XRCC6: variants seen among roughly 807,000 people sequenced by gnomAD.
The protein encoded by XRCC6 is DNA repair protein Ku70.
In XRCC6, 5 loss-of-function variants were observed where a neutral mutation model predicts 65.7. The observed-to-expected ratio is 0.08, with a 90% CI of 0.04 to 0.16. The LOEUF (loss-of-function observed/expected upper bound fraction) is 0.16. Among genes scored for constraint, XRCC6 ranks in the 10% least tolerant of loss-of-function variants. XRCC6 has a pLI of 1.00. For synonymous variants in XRCC6, 270 were observed against 270.6 expected, an observed-to-expected ratio of 1.00 and a Z score of 0.02; for missense variants, 447 against 738.1, an observed-to-expected ratio of 0.61 and a Z score of 4.57.
At chr22:41,660,194 T>A (rs1360256187) in intron 11 of XRCC6, among the ~76,000 whole-genome samples, 1 of 152,236 alleles carries the variant, frequency 6.6e-6, no homozygotes, top group African/African-American at 2.4e-5. Context: ...ACCCTTGCCC[T>A]TGATGTGACA....
chr22:41,637,847 G>T (rs1269001032), intron 6 of XRCC6, 56 bp downstream of exon 6: 3 of 1,548,470 alleles, frequency 1.9e-6, no homozygotes, highest in Non-Finnish European at 2.6e-6. Context: ...GAAGCAGGCT[G>T]GGCGCGGTGG....
intron 1 of XRCC6, 140 bp from the exon 2 acceptor site, chr22:41,621,850 G>T: frequency 2.7e-6 from 2 of 736,692 alleles, no homozygotes; most frequent in East Asian, 2.7e-5. Context: ...TCCGACTGCC[G>T]AGCTTTCGAG....
chr22:41,635,630 T>G (rs1260400515), intron 3 of XRCC6, among the ~76,000 whole-genome samples: 1 of 152,072 alleles, frequency 6.6e-6, no homozygotes, highest in African/African-American at 2.4e-5. Context: ...AGCCTTCACC[T>G]CCTGGGGTCA....
Position 41,646,796 on chromosome 22 carries a change from T to C in XRCC6, c.774-100T>C, listed in dbSNP as rs1748282537. ...TATTTTGAGAGCTTGCTTAGGATTA[T>C]TGGAGAGAATAAAACAGTGAAGCTT... On this transcript the variant is annotated intron_variant, in intron 6 of 12. Transcript: ENST00000360079. 35 of 1,012,110 alleles carry C rather than the reference T, an allele frequency of 3.5e-5. 1 individual carries two copies. The South Asian group carries it at 6.1e-4, about 17-fold the overall frequency. 62.7% of individuals were successfully genotyped at this position (1,012,110 alleles called of 1,614,324 possible).
intron 6 of XRCC6, among the ~76,000 whole-genome samples, chr22:41,640,661 A>G (rs2067865967): frequency 6.6e-6 from 1 of 152,224 alleles, no homozygotes; most frequent in African/African-American, 2.4e-5. Flanking sequence ...GAGACCTTGA[A>G]TCACTCATTG....
chr22:41,645,334 CAAAA>C (rs2067920591), intron 6 of XRCC6, among the ~76,000 whole-genome samples: 1 of 150,360 alleles, frequency 6.7e-6, no homozygotes, highest in Admixed American at 6.6e-5. Flanking sequence ...AAAAAACAAA[CAAAA>C]AAGGCTGACC....
intron 2 of XRCC6, among the ~76,000 whole-genome samples, chr22:41,624,365 G>A (rs1011835841): frequency 6.6e-6 from 1 of 151,716 alleles, no homozygotes; most frequent in Non-Finnish European, 1.5e-5. Flanking sequence ...TCCAGTCTGG[G>A]CAACAGAGTG....
rs1258170315 is a variant in XRCC6 at position 41,650,687 on chromosome 22, C to T, written c.961-36C>T. On this transcript the variant is annotated intron_variant, in intron 7 of 12. Coordinates refer to ENST00000360079, the MANE Select transcript of XRCC6 (RefSeq NM_001469.5). Reference sequence around the variant, plus strand: ...CGAGTTATTTTGCATCTCCTCGTAGCCTTCCCATTTGATCCTTGTCGTTCT... The same window carrying T: ...CGAGTTATTTTGCATCTCCTCGTAGTCTTCCCATTTGATCCTTGTCGTTCT... 6 of 1,601,924 alleles carry T rather than the reference C, an allele frequency of 3.7e-6. No individual in the cohort carries two copies. In the East Asian group the frequency reaches 6.7e-5, roughly 18 times the overall value.
At chr22:41,635,588 T>C (rs1029473521) in intron 3 of XRCC6, among the ~76,000 whole-genome samples, 4 of 152,226 alleles carry the variant, frequency 2.6e-5, no homozygotes, top group Non-Finnish European at 5.9e-5. Context: ...TTGCCCAGGC[T>C]GGACTGTAGT....
chr22:41,629,946 G>A (rs764960501), intron 3 of XRCC6, among the ~76,000 whole-genome samples: 2 of 149,012 alleles, frequency 1.3e-5, no homozygotes, highest in African/African-American at 4.9e-5. Context: ...GATTACAGGT[G>A]TGAGCCACTG....
At chr22:41,661,882 C>T (rs370281908) in intron 12 of XRCC6, among the ~76,000 whole-genome samples, 8 of 152,240 alleles carry the variant, frequency 5.3e-5, no homozygotes, top group African/African-American at 7.2e-5. Flanking sequence ...ATGTGGTACA[C>T]GTACACAATG....
chr22:41,650,029 AAAT>A (rs1039901200), intron 7 of XRCC6, among the ~76,000 whole-genome samples: 1 of 151,904 alleles, frequency 6.6e-6, no homozygotes, highest in East Asian at 1.9e-4. Flanking sequence ...CTCAAATAAT[AAAT>A]AATAATAAAT....
intron 1 of XRCC6, chr22:41,621,729 G>A: frequency 8.4e-6 from 4 of 474,110 alleles, no homozygotes; most frequent in South Asian, 7.3e-5. Flanking sequence ...ATGGCGTCGG[G>A]GGCGGGACCT....
At chr22:41,626,804 A>AT (rs986858507) in intron 2 of XRCC6, among the ~76,000 whole-genome samples, 40 of 150,542 alleles carry the variant, frequency 2.7e-4, no homozygotes, top group African/African-American at 9.0e-4. Flanking sequence ...CGCCCAGCTA[A>AT]TTTTTTTTTG....
chr22:41,654,847 A>G (rs745398103), intron 9 of XRCC6, among the ~76,000 whole-genome samples: 21 of 152,194 alleles, frequency 1.4e-4, no homozygotes, highest in South Asian at 2.1e-4. Flanking sequence ...TGCTGGGGCA[A>G]TACAGGTAGG....
At chr22:41,657,938 C>T (rs981631314) in intron 10 of XRCC6, among the ~76,000 whole-genome samples, 4 of 152,274 alleles carry the variant, frequency 2.6e-5, no homozygotes, top group Middle Eastern at 3.4e-3. Context: ...GTCTTCCTGC[C>T]TATGCCTCCT....
At chr22:41,630,035 G>C (rs929841038) in intron 3 of XRCC6, among the ~76,000 whole-genome samples, 2 of 148,296 alleles carry the variant, frequency 1.3e-5, no homozygotes, top group African/African-American at 5.0e-5. Flanking sequence ...CCAGGCTGGA[G>C]TGCAGTGGCA....
chr22:41,657,705 G>A (rs2147115025), intron 10 of XRCC6, among the ~76,000 whole-genome samples: 1 of 151,362 alleles, frequency 6.6e-6, no homozygotes, highest in East Asian at 1.9e-4. Flanking sequence ...TTTTTTGTAG[G>A]GACGGAGTTT....
intron 2 of XRCC6, among the ~76,000 whole-genome samples, chr22:41,627,675 TC>T (rs2067693826): frequency 1.3e-5 from 2 of 149,148 alleles, no homozygotes; most frequent in African/African-American, 2.5e-5. Flanking sequence ...AAGTTTTAGA[TC>T]AGCCTGGGCA....
Sources: gnomAD v4.1 joint callset for allele counts (sites outside exome capture counted in the v4.1 genomes callset) on GRCh38, gnomAD v4.1.1 for gene constraint, MANE v1.5 for transcripts, NCBI Gene and HGNC (gene_info 2026-07-23, HGNC 2026-07-21) for gene names.